The following NEURL1 variants were observed in gnomAD, a reference collection of about 807,000 sequenced individuals.
The protein encoded by NEURL1 is E3 ubiquitin-protein ligase NEURL1.
NEURL1 carries 26 observed loss-of-function variants against 41.2 expected under a neutral mutation model. The observed-to-expected ratio is 0.63, with a 90% CI of 0.46 to 0.87. The LOEUF (loss-of-function observed/expected upper bound fraction) is 0.87, where lower values mean the gene tolerates loss of function less well. Among genes scored for constraint, NEURL1 ranks in the 40% least tolerant of loss-of-function variants. NEURL1 has a pLI of 0.00. For missense variants in NEURL1, 761 were observed against 871.1 expected, an observed-to-expected ratio of 0.87 and a Z score of 1.59; for synonymous variants, 400 against 402.3, an observed-to-expected ratio of 0.99 and a Z score of 0.07.
chr10:103,504,703 G>A (rs924685416), intron 1 of NEURL1, among the ~76,000 whole-genome samples: 2 of 152,192 alleles, frequency 1.3e-5, no homozygotes, highest in African/African-American at 4.8e-5. Flanking sequence ...ACAGGGGTGG[G>A]TGTTTACGTT....
In NEURL1 at chr10:103,584,996, G is replaced by T; in HGVS notation, c.1110G>T (p.Leu370=). 1.3e-6 allele frequency: 2 copies of T among 1,557,980 alleles called. No individual in the cohort carries two copies. Among genetic ancestry groups the T allele is most frequent in the Non-Finnish European group, 1.7e-6 (2 of 1,161,420 alleles). ...CCGGCACGCTGCGGCCGGCCGACCT[G>T]CCTTTCAGCCCTGAGGCCCTGGTGG... ...CDPGTLRPAD[L]PFSPEALVDR... is the part of the protein sequence containing the mutation. The change falls in exon 4 of 6, where the codon CTG becomes CTT. Residue 370 remains leucine (L), a synonymous_variant. Transcript: ENST00000369780.
chr10:103,494,147 G>T lies in NEURL1; in HGVS notation c.-241G>T. 2.3e-6 allele frequency: 1 copy of T among 425,710 alleles called. No homozygotes were observed. Among genetic ancestry groups the T allele is most frequent in the Non-Finnish European group, 4.2e-6 (1 of 240,428 alleles). The allele number at this position is 425,710 out of a possible 1,614,324, so 26.4% of individuals were successfully genotyped here. On this transcript the variant is annotated 5_prime_UTR_variant, in exon 1 of 6. Coordinates refer to ENST00000369780, the MANE Select transcript of NEURL1 (RefSeq NM_004210.5). ...TGCTTGTGGCCCCCGCTCCCGCCAC[G>T]GGGCATGGGAGGCAGGTAGCCCAGC...
intron 1 of NEURL1, chr10:103,511,762 A>G (rs2034077223): frequency 6.6e-6 from 1 of 152,150 alleles, no homozygotes; most frequent in African/African-American, 2.4e-5. Flanking sequence ...CACTGATCAC[A>G]CTAGCTGCCA....
At chr10:103,535,468 T>C (rs941705191) in intron 1 of NEURL1, among the ~76,000 whole-genome samples, 1 of 152,130 alleles carries the variant, frequency 6.6e-6, no homozygotes, top group African/African-American at 2.4e-5. Flanking sequence ...CTTCAGCTCA[T>C]GCTTGGGGGT....
intron 4 of NEURL1, 120 bp downstream of exon 4, chr10:103,585,345 CAG>C (rs1329184300): frequency 3.2e-6 from 3 of 933,936 alleles, no homozygotes; most frequent in Non-Finnish European, 4.6e-6. Flanking sequence ...TAAGGAATCA[CAG>C]ACACCTAAGG....
In NEURL1 at chr10:103,556,873, T is replaced by C. The variant is rs1420557877; in HGVS notation, c.86-13999T>C. On this transcript the variant is annotated intron_variant, in intron 1 of 5. Transcript: ENST00000369780. This position sits in a 1 kb window ranked among gnomAD's most constrained non-coding sequence, Gnocchi z 4.4. ...CCCGGCGGGGCCTGTTGGCAGAGGG[T>C]CTGGAGCCGACTGGCATTTTCCACT... Among the ~76,000 whole-genome samples the C allele has an allele frequency of 6.6e-6, 1 of 151,812 alleles. No individual in the cohort carries two copies. Among genetic ancestry groups the C allele is most frequent in the Non-Finnish European group, 1.5e-5 (1 of 67,934 alleles).
intron 2 of NEURL1, 72 bp downstream of exon 2, chr10:103,571,185 G>A: frequency 6.6e-7 from 1 of 1,505,726 alleles, no homozygotes; most frequent in African/African-American, 1.4e-5. Context: ...TGGGCCTCTG[G>A]ACTCTGCCCC....
rs1592243026 is a variant in NEURL1 at position 103,584,845 on chromosome 10, G to A, written c.959G>A (p.Arg320His). The A allele has an allele frequency of 7.1e-7, 1 of 1,408,240 alleles. No homozygotes were observed. 87.2% of individuals were successfully genotyped at this position (1,408,240 alleles called of 1,614,324 possible). The change falls in exon 4 of 6, where the codon CGC becomes CAC. Residue 320 changes from arginine (R) to histidine (H), a missense_variant. Arg to His is a conservative substitution (Grantham distance 29, BLOSUM62 0). Around this residue, in one of 5 missense-constraint regions of NEURL1, gnomAD observed 443 missense variants for 408.1 expected, o/e 1.09. Coordinates refer to ENST00000369780, the MANE Select transcript of NEURL1 (RefSeq NM_004210.5). ...EQTVARVEHG[R>H]DERALVFTSR... ...ACGGTGGCGCGCGTGGAGCACGGGC[G>A]CGACGAGCGCGCGCTCGTCTTCACC...
At chr10:103,546,251 G>A (rs1348386949) in intron 1 of NEURL1, among the ~76,000 whole-genome samples, 20 of 152,160 alleles carry the variant, frequency 1.3e-4, no homozygotes, top group Non-Finnish European at 1.3e-4. Flanking sequence ...CTGTTCTCAG[G>A]GGCAGCACTC....
At chr10:103,569,458 C>T (rs1047435889) in intron 1 of NEURL1, among the ~76,000 whole-genome samples, 1 of 152,216 alleles carries the variant, frequency 6.6e-6, no homozygotes, top group Non-Finnish European at 1.5e-5. Flanking sequence ...TTCACCAGCA[C>T]ATATTTTATG....
chr10:103,562,576 C>T (rs2035320652), intron 1 of NEURL1, among the ~76,000 whole-genome samples: 1 of 152,138 alleles, frequency 6.6e-6, no homozygotes, highest in African/African-American at 2.4e-5. Context: ...ATTCTGGATG[C>T]AGAAGAGACA....
rs769895332 is a variant in NEURL1, at chr10:103,571,546, T to TGAAGCCGCAGG, written c.373_374insGAAGCCGCAGG (p.Phe125Ter). The TGAAGCCGCAGG allele has an allele frequency of 6.2e-7, 1 of 1,611,566 alleles. No homozygotes were observed. The highest frequency in any genetic ancestry group is 1.1e-5 in the South Asian group (1 of 91,012). On this transcript the variant is annotated stop_gained and frameshift_variant, in exon 3 of 6. Coordinates refer to ENST00000369780, the MANE Select transcript of NEURL1 (RefSeq NM_004210.5). LOFTEE classifies it high-confidence loss of function. The stretch of plus-strand genomic sequence containing the variant: ...CTGGAGCGGGGCCCTGCGGCTGGGC[T>TGAAGCCGCAGG]TCACCAGCAAGGACCCGTCCCGCAT...
Position 103,556,800 on chromosome 10 carries a change from T to A in NEURL1, c.86-14072T>A, listed in dbSNP as rs1592219932. ...GAGTTGGATTGGGCTGACCTGAGCCTGGCCTTGCCCGTCTGTGGGGTGGGG... is the reference window on the plus strand; with the variant it reads ...GAGTTGGATTGGGCTGACCTGAGCCAGGCCTTGCCCGTCTGTGGGGTGGGG... On this transcript the variant is annotated intron_variant, in intron 1 of 5. Transcript: ENST00000369780. The surrounding 1 kb of genome is among the most constrained non-coding windows in gnomAD (Gnocchi z 4.4). Among the ~76,000 whole-genome samples the A allele has an allele frequency of 6.6e-6, 1 of 152,302 alleles. No homozygotes were observed. The highest frequency in any genetic ancestry group is 1.9e-4 in the East Asian group (1 of 5,162).
In NEURL1 at chr10:103,558,784, G is replaced by A. The variant is rs954948303; in HGVS notation, c.86-12088G>A. Among the ~76,000 whole-genome samples, 10 of 152,020 alleles carry A rather than the reference G, an allele frequency of 6.6e-5. No individual in the cohort carries two copies. Among genetic ancestry groups the A allele is most frequent in the African/African-American group, 1.9e-4 (8 of 41,390 alleles). ...AGGTCCCCCTCCTCTCGCCTCTGCC[G>A]TCCTCTCTTCTTCCTTTCCCCCCAC... On this transcript the variant is annotated intron_variant, in intron 1 of 5. Transcript: ENST00000369780. This position sits in a 1 kb window ranked among gnomAD's most constrained non-coding sequence, Gnocchi z 4.2.
chr10:103,559,679 A>T (rs1385375153), intron 1 of NEURL1, among the ~76,000 whole-genome samples: 1 of 152,016 alleles, frequency 6.6e-6, no homozygotes, highest in Non-Finnish European at 1.5e-5. Context: ...GGGAAGGGTA[A>T]GTTTTACCTT....
chr10:103,585,787 C>T (rs1481508877), intron 4 of NEURL1, among the ~76,000 whole-genome samples: 6 of 145,298 alleles, frequency 4.1e-5, no homozygotes, highest in Non-Finnish European at 7.4e-5. Flanking sequence ...GAGCCAAGAT[C>T]GTGCCACTGC....
At chr10:103,522,198 C>T (rs1172342572) in intron 1 of NEURL1, among the ~76,000 whole-genome samples, 1 of 152,136 alleles carries the variant, frequency 6.6e-6, no homozygotes, top group Non-Finnish European at 1.5e-5. Context: ...TTGCTTCAGG[C>T]CATCCGGATG....
At position 103,579,346 on chromosome 10, in the gene NEURL1, T is replaced by C. The variant is rs561437048; in HGVS notation, c.650-5190T>C. Among the ~76,000 whole-genome samples, 159 of 152,308 alleles carry C rather than the reference T, an allele frequency of 1.0e-3. 1 individual carries two copies. Among genetic ancestry groups the C allele is most frequent in the Admixed American group, 1.7e-3 (26 of 15,302 alleles). The stretch of plus-strand genomic sequence containing the variant: ...AACAGGAAGGGGACTTCAGCCTTAG[T>C]TGGGGATCTTGATCCTAAAGGGGTT... On this transcript the variant is annotated intron_variant, in intron 3 of 5. Coordinates refer to ENST00000369780, the MANE Select transcript of NEURL1 (RefSeq NM_004210.5).
In NEURL1 at chr10:103,531,850, T is replaced by C. The variant is rs540028549; in HGVS notation, c.85+37378T>C. 6.6e-5 allele frequency among the ~76,000 whole-genome samples: 10 copies of C among 152,298 alleles called. No individual in the cohort carries two copies. The South Asian group carries it at 2.1e-3, about 32-fold the overall frequency. ...CTCTCCCTTTAGATCTAATAATTTA[T>C]GCTTTATATATCTGGATGCTCCATT... On this transcript the variant is annotated intron_variant, in intron 1 of 5. Transcript: ENST00000369780.
Sources: gnomAD v4.1 joint callset for allele counts (sites outside exome capture counted in the v4.1 genomes callset) on GRCh38, gnomAD v4.1.1 for gene constraint, gnomAD v4.1.1 regional missense constraint, Gnocchi (gnomAD v3.1) non-coding constraint, MANE v1.5 for transcripts, NCBI Gene and HGNC (gene_info 2026-07-23, HGNC 2026-07-21) for gene names.